Variants in COLEC10 observed in about 807,000 individuals in gnomAD.
COLEC10 encodes collectin-10.
In COLEC10, 22 loss-of-function variants were observed where a neutral mutation model predicts 28.4. The ratio of observed to expected loss-of-function variants is 0.78; its 90% confidence interval spans 0.55 to 1.11. The LOEUF (loss-of-function observed/expected upper bound fraction) is 1.11. COLEC10 is among the 50% of genes least tolerant of loss of function. The pLI is 0.00. For missense variants in COLEC10, 361 were observed against 344.1 expected (o/e 1.05, Z -0.39); for synonymous variants, 125 against 116.1 (o/e 1.08, Z -0.49).
intron 2 of COLEC10, among the ~76,000 whole-genome samples, chr8:119,021,622 A>G (rs1285173496): frequency 1.3e-5 from 2 of 152,118 alleles, no homozygotes; most frequent in African/African-American, 2.4e-5. Flanking sequence ...GAGCAACACC[A>G]CTTTTTGCTC....
intron 1 of COLEC10, among the ~76,000 whole-genome samples, chr8:119,084,922 GTAGTGAATAC>G (rs1250326931): frequency 6.6e-6 from 1 of 152,086 alleles, no homozygotes; most frequent in Non-Finnish European, 1.5e-5. Flanking sequence ...AGAGATTGAG[GTAGTGAATAC>G]TAAGAAATAA....
At chr8:119,090,781 A>C (rs1815575132) in intron 2 of COLEC10, among the ~76,000 whole-genome samples, 1 of 152,192 alleles carries the variant, frequency 6.6e-6, no homozygotes, top group South Asian at 2.1e-4. Context: ...GAAGAAATAG[A>C]ATTCCAGAAG....
At chr8:119,042,602 A>G (rs1814519596) in intron 2 of COLEC10, among the ~76,000 whole-genome samples, 1 of 152,112 alleles carries the variant, frequency 6.6e-6, no homozygotes, top group South Asian at 2.1e-4. Context: ...TGCTGCTCTC[A>G]GAGAGAATGA....
intron 2 of COLEC10, among the ~76,000 whole-genome samples, chr8:119,045,682 T>A (rs951034359): frequency 2.0e-5 from 3 of 152,228 alleles, no homozygotes; most frequent in African/African-American, 7.2e-5. Context: ...GAATTGTGCA[T>A]TAAAATTAGG....
intron 1 of COLEC10, among the ~76,000 whole-genome samples, chr8:119,007,062 G>C (rs1813812437): frequency 6.6e-6 from 1 of 152,034 alleles, no homozygotes. Flanking sequence ...TGGAAGTGGA[G>C]GACTCAAAGA....
chr8:119,068,768 G>A (rs1484453663), intron 1 of COLEC10: 1 of 152,002 alleles, frequency 6.6e-6, no homozygotes, highest in East Asian at 1.9e-4. Flanking sequence ...AAGCCAGAGT[G>A]TGACAAAATG....
intron 3 of COLEC10, among the ~76,000 whole-genome samples, chr8:119,092,306 A>G (rs1815623969): frequency 6.6e-6 from 1 of 152,034 alleles, no homozygotes; most frequent in Non-Finnish European, 1.5e-5. Flanking sequence ...TTCTGACCTC[A>G]GGTGATCTGC....
chr8:118,958,262 G>T, the COLEC10 span, among the ~76,000 whole-genome samples: 2 of 152,188 alleles, frequency 1.3e-5, no homozygotes, highest in South Asian at 2.1e-4. Context: ...TGAGAATTAG[G>T]GGGGCGAGAG....
intron 2 of COLEC10, among the ~76,000 whole-genome samples, chr8:119,059,047 G>C (rs1814809567): frequency 6.6e-6 from 1 of 151,890 alleles, no homozygotes; most frequent in Non-Finnish European, 1.5e-5. Flanking sequence ...TGCCTTCTTT[G>C]CTGAATGTCC....
the COLEC10 span, among the ~76,000 whole-genome samples, chr8:118,959,959 T>A: frequency 2.0e-5 from 3 of 152,202 alleles, no homozygotes; most frequent in African/African-American, 7.2e-5. Context: ...TGGTATGAAG[T>A]CCTTAGAAGT....
At chr8:118,967,824 C>T in the COLEC10 span, among the ~76,000 whole-genome samples, 1 of 151,958 alleles carries the variant, frequency 6.6e-6, no homozygotes, top group African/African-American at 2.4e-5. Context: ...ATCATATTAG[C>T]ATTGAAAATG....
intron 3 of COLEC10, among the ~76,000 whole-genome samples, chr8:119,098,804 T>A (rs1252395503): frequency 6.6e-6 from 1 of 152,124 alleles, no homozygotes; most frequent in East Asian, 1.9e-4. Context: ...CCATCAAATT[T>A]ATGAGCATGT....
At chr8:119,036,154 C>T (rs1243926423) in intron 2 of COLEC10, among the ~76,000 whole-genome samples, 2 of 152,204 alleles carry the variant, frequency 1.3e-5, no homozygotes, top group Non-Finnish European at 2.9e-5. Context: ...TCTAGCATCT[C>T]TCCCCAAGAA....
At chr8:118,958,749 C>A in the COLEC10 span, among the ~76,000 whole-genome samples, 1 of 152,282 alleles carries the variant, frequency 6.6e-6, no homozygotes, top group African/African-American at 2.4e-5. Context: ...ATTGTTATAT[C>A]ATCATTTGTC....
chr8:119,007,732 A>G (rs1169708109), intron 1 of COLEC10, among the ~76,000 whole-genome samples: 2 of 151,018 alleles, frequency 1.3e-5, no homozygotes, highest in African/African-American at 5.0e-5. Context: ...CCAGTAGTTT[A>G]TTACATCAAA....
intron 3 of COLEC10, among the ~76,000 whole-genome samples, chr8:119,101,116 G>A (rs1252931638): frequency 6.6e-6 from 1 of 152,100 alleles, no homozygotes; most frequent in African/African-American, 2.4e-5. Context: ...CTCTGTTGCT[G>A]GTGAACGGTG....
chr8:119,044,139 T>C (rs1814548081), intron 2 of COLEC10, among the ~76,000 whole-genome samples: 1 of 152,244 alleles, frequency 6.6e-6, no homozygotes, highest in East Asian at 1.9e-4. Flanking sequence ...TGTGCTTTTG[T>C]AATAATCAAT....
At chr8:119,059,412 T>C (rs1404330632) in intron 2 of COLEC10, among the ~76,000 whole-genome samples, 4 of 152,090 alleles carry the variant, frequency 2.6e-5, no homozygotes, top group African/African-American at 9.7e-5. Flanking sequence ...ATTTCATTTC[T>C]TTGCATGTTG....
At chr8:119,100,493 C>A (rs1310493859) in intron 3 of COLEC10, among the ~76,000 whole-genome samples, 3 of 152,146 alleles carry the variant, frequency 2.0e-5, no homozygotes, top group Admixed American at 2.0e-4. Context: ...AAGGAATTTG[C>A]AGGATATAAC....
Sources: allele counts gnomAD v4.1 joint callset (sites outside exome capture counted in the v4.1 genomes callset), GRCh38; gene constraint gnomAD v4.1.1; transcripts MANE v1.5; gene names NCBI Gene and HGNC (gene_info 2026-07-23, HGNC 2026-07-21).